CLTC: variants seen among roughly 807,000 people sequenced by gnomAD.
CLTC encodes clathrin heavy chain 1.
Under a neutral mutation model 195.8 loss-of-function variants are expected in CLTC, and 16 were observed. The ratio of observed to expected loss-of-function variants is 0.08; its 90% CI spans 0.06 to 0.12. The LOEUF (loss-of-function observed/expected upper bound fraction) is 0.12. Ranked by LOEUF, CLTC falls within the 10% of genes least tolerant of loss-of-function variation. The pLI is 1.00. For missense variants in CLTC, 796 were observed against 2,027.0 expected (o/e 0.39, Z 11.66); for synonymous variants, 667 against 689.4 (o/e 0.97, Z 0.51).
chr17:59,660,732 C>A, intron 7 of CLTC, 144 bp downstream of exon 7: 1 of 775,544 alleles, frequency 1.3e-6, no homozygotes, highest in South Asian at 1.8e-5. Context: ...TAGTAGAATT[C>A]CTTGTCAATG....
intron 30 of CLTC, among the ~76,000 whole-genome samples, chr17:59,687,785 T>C (rs1038159997): frequency 3.3e-5 from 5 of 152,216 alleles, no homozygotes; most frequent in Non-Finnish European, 7.4e-5. Flanking sequence ...TAAAATTTGC[T>C]CTCCTATTTA....
Position 59,648,302 on chromosome 17 carries a change from T to C in CLTC, c.582T>C (p.Ile194=). 1 of 1,614,132 alleles carries C rather than the reference T, an allele frequency of 6.2e-7. No individual in the cohort carries two copies. Among genetic ancestry groups the C allele is most frequent in the Non-Finnish European group, 8.5e-7 (1 of 1,179,992 alleles). The stretch of plus-strand genomic sequence containing the variant: ...TAGATAGGAAAGTGTCTCAGCCCAT[T>C]GAAGGACATGCAGCTAGCTTTGCAC... ...YSVDRKVSQP[I]EGHAASFAQF... Residue 194 remains isoleucine (I), a synonymous_variant, in exon 4 of 32, where the codon ATT becomes ATC. Transcript: ENST00000269122. This position sits in a 1 kb window ranked among gnomAD's most constrained non-coding sequence, Gnocchi z 4.5.
intron 31 of CLTC, among the ~76,000 whole-genome samples, chr17:59,692,489 G>C (rs1022538150): frequency 2.6e-5 from 4 of 152,142 alleles, no homozygotes; most frequent in Admixed American, 6.5e-5. Flanking sequence ...GGTGTTACTT[G>C]TTTTCGCTCT....
intron 31 of CLTC, among the ~76,000 whole-genome samples, 158 bp from the exon 32 acceptor site, chr17:59,693,570 T>A (rs1241092804): frequency 6.6e-6 from 1 of 152,136 alleles, no homozygotes; most frequent in Non-Finnish European, 1.5e-5. Flanking sequence ...AAGACTGTCA[T>A]GCTAAAATTG....
intron 13 of CLTC, among the ~76,000 whole-genome samples, chr17:59,667,408 C>T (rs966203333): frequency 3.3e-5 from 5 of 152,024 alleles, no homozygotes; most frequent in Non-Finnish European, 1.5e-5. Context: ...AATTATAATG[C>T]GAATATTCCA....
At chr17:59,680,132 TA>T (rs2033053090) in intron 18 of CLTC, among the ~76,000 whole-genome samples, 1 of 152,128 alleles carries the variant, frequency 6.6e-6, no homozygotes, top group Non-Finnish European at 1.5e-5. Context: ...CATCATAGTT[TA>T]AAAGGAAAAT....
At position 59,643,557 on chromosome 17, in the gene CLTC, G is replaced by T. The variant is rs1169161096; in HGVS notation, c.43-719G>T. ...TTACTGAGGTATGTTTAGCTTGTTG[G>T]TCTGGCCCTTGCTCATTTCTCTAAC... On this transcript the variant is annotated intron_variant, in intron 1 of 31. Transcript: ENST00000269122. Among the ~76,000 whole-genome samples the T allele has an allele frequency of 3.9e-5, 6 of 152,050 alleles. No homozygotes were observed. In the South Asian group the frequency reaches 8.3e-4, roughly 21 times the overall value.
chr17:59,670,223 A>AC (rs2032816083), intron 14 of CLTC, among the ~76,000 whole-genome samples: 2 of 151,980 alleles, frequency 1.3e-5, no homozygotes, highest in African/African-American at 2.4e-5. Context: ...CCTTTAAAAA[A>AC]AACAACAACA....
At chr17:59,673,528 A>G in intron 14 of CLTC, 119 bp from the exon 15 acceptor site, 2 of 707,470 alleles carry the variant, frequency 2.8e-6, no homozygotes, top group Non-Finnish European at 4.7e-6. Flanking sequence ...TTTCTTTAAC[A>G]GAAGAGCTAT....
At position 59,673,810 on chromosome 17, in the gene CLTC, C is replaced by T. The variant is rs776011171; in HGVS notation, c.2418+38C>T. On this transcript the variant is annotated intron_variant, in intron 15 of 31. Coordinates refer to ENST00000269122, the MANE Select transcript of CLTC (RefSeq NM_004859.4). Reference sequence around the variant, plus strand: ...TAGGTAATGTAAAGGTATAATCTTACTATAGATTTTATTTCTCATATTCTG... The same window carrying T: ...TAGGTAATGTAAAGGTATAATCTTATTATAGATTTTATTTCTCATATTCTG... 2.0e-5 allele frequency: 19 copies of T among 961,876 alleles called. No homozygotes were observed. The African/African-American group carries it at 3.1e-4, about 16-fold the overall frequency. The allele number at this position is 961,876 out of a possible 1,614,324, so 59.6% of individuals were successfully genotyped here.
At chr17:59,669,114 C>T (rs192904109) in intron 14 of CLTC, among the ~76,000 whole-genome samples, 174 bp downstream of exon 14, 15 of 150,528 alleles carry the variant, frequency 1.0e-4, no homozygotes, top group East Asian at 9.7e-4. Context: ...CTTTGAAATA[C>T]GGAAGGAAAT....
At position 59,690,814 on chromosome 17, in the gene CLTC, GCTTT is replaced by G. The variant is rs548905848; in HGVS notation, c.4903+106_4903+109del. On this transcript the variant is annotated intron_variant, in intron 31 of 31. Coordinates refer to ENST00000269122, the MANE Select transcript of CLTC (RefSeq NM_004859.4). The stretch of plus-strand genomic sequence containing the variant: ...ACAACAAGCTTCTAAAGTGCAAAAG[GCTTT>G]CTAAGAAATACTGCTCTCTACTGTC... 2.4e-4 allele frequency: 202 copies of G among 834,586 alleles called. No homozygotes were observed. In the African/African-American group the frequency reaches 2.8e-3, roughly 12 times the overall value. The allele number at this position is 834,586 out of a possible 1,614,324, so 51.7% of individuals were successfully genotyped here.
chr17:59,674,880 C>T lies in CLTC; in HGVS notation c.2561+37C>T, dbSNP rs769147268. ...TTTTAACAGGGATAAGTTACTCTTT[C>T]TTAACATGGCAATAGATAAAAATAT... is the stretch of plus-strand genomic sequence containing the variant. On this transcript the variant is annotated intron_variant, in intron 16 of 31. Coordinates refer to ENST00000269122, the MANE Select transcript of CLTC (RefSeq NM_004859.4). 1.4e-5 allele frequency: 22 copies of T among 1,581,430 alleles called. No individual in the cohort carries two copies. The East Asian group carries it at 5.0e-4, about 36-fold the overall frequency.
intron 1 of CLTC, among the ~76,000 whole-genome samples, chr17:59,633,810 G>A (rs1332196637): frequency 6.6e-6 from 1 of 152,172 alleles, no homozygotes. Context: ...GAATATTAAG[G>A]AGACTGTCCA....
intron 1 of CLTC, among the ~76,000 whole-genome samples, chr17:59,631,736 C>T (rs2031723305): frequency 6.7e-6 from 1 of 150,266 alleles, no homozygotes; most frequent in African/African-American, 2.5e-5. Flanking sequence ...TTTGGGAGGC[C>T]AGAGTAGGTG....
chr17:59,689,341 T>C (rs1340899242), intron 30 of CLTC: 2 of 152,316 alleles, frequency 1.3e-5, no homozygotes, highest in East Asian at 3.9e-4. Context: ...AGATACTTTT[T>C]TAATAGTTTC....
Position 59,666,868 on chromosome 17 carries a change from C to T in CLTC, c.2019C>T (p.Ala673=). 1 of 1,613,882 alleles carries T rather than the reference C, an allele frequency of 6.2e-7. No homozygotes were observed. The highest frequency in any genetic ancestry group is 8.5e-7 in the Non-Finnish European group (1 of 1,179,856). ...SLECLRAMLS[A]NIRQNLQICV... ...AATGTCTCAGAGCCATGCTGTCTGC[C>T]AACATCCGTCAGAATCTGCAGATTT... The change falls in exon 13 of 32, where the codon GCC becomes GCT. Residue 673 remains alanine, a synonymous_variant. Coordinates refer to ENST00000269122, the MANE Select transcript of CLTC (RefSeq NM_004859.4). The surrounding 1 kb of genome is among the most constrained non-coding windows in gnomAD (Gnocchi z 4.9).
chr17:59,664,962 G>A, intron 10 of CLTC, 53 bp downstream of exon 10: 1 of 1,598,454 alleles, frequency 6.3e-7, no homozygotes, highest in Admixed American at 1.7e-5. Flanking sequence ...GAGAGTGGGG[G>A]CCAGCCATGG....
At chr17:59,624,877 T>C (rs938338307) in intron 1 of CLTC, among the ~76,000 whole-genome samples, 2 of 152,018 alleles carry the variant, frequency 1.3e-5, no homozygotes, top group Non-Finnish European at 2.9e-5. Flanking sequence ...GCTATATTGC[T>C]CAGGCTGGTC....
Sources: gnomAD v4.1 joint callset for allele counts (sites outside exome capture counted in the v4.1 genomes callset) on GRCh38, gnomAD v4.1.1 for gene constraint, Gnocchi (gnomAD v3.1) non-coding constraint, MANE v1.5 for transcripts, NCBI Gene and HGNC (gene_info 2026-07-23, HGNC 2026-07-21) for gene names.